Variants in CHODL observed in about 807,000 individuals in gnomAD.
CHODL encodes chondrolectin.
Under a neutral mutation model 34.5 loss-of-function variants are expected in CHODL, and 29 were observed. That is an observed-to-expected ratio of 0.84 (90% CI 0.63 to 1.15). The LOEUF is 1.15. Ranked by LOEUF, CHODL falls within the 50% of genes most tolerant of loss-of-function variation. CHODL has a pLI of 0.00. For synonymous variants in CHODL, 125 were observed against 116.1 expected (o/e 1.08, Z -0.49); for missense variants, 332 against 332.5 (o/e 1.00, Z 0.01).
intron 1 of CHODL, among the ~76,000 whole-genome samples, chr21:18,007,024 A>G (rs2063967391): frequency 6.6e-6 from 1 of 152,218 alleles, no homozygotes; most frequent in Non-Finnish European, 1.5e-5. Flanking sequence ...AAACGTAAGT[A>G]TATTGTGTTG....
intron 1 of CHODL, among the ~76,000 whole-genome samples, chr21:17,944,091 T>C (rs2063386541): frequency 8.5e-6 from 1 of 117,664 alleles, no homozygotes; most frequent in Non-Finnish European, 1.7e-5. Flanking sequence ...TAGACTGTTA[T>C]TCTTCCTAGC....
intron 1 of CHODL, chr21:18,027,774 A>G (rs927814469): frequency 6.6e-6 from 1 of 152,390 alleles, no homozygotes; most frequent in Non-Finnish European, 1.5e-5. Context: ...TTGGGAGGTA[A>G]TTAGATCATG....
intron 3 of CHODL, 56 bp downstream of exon 3, chr21:18,257,183 G>A (rs2074328604): frequency 2.0e-6 from 3 of 1,481,112 alleles, no homozygotes; most frequent in Non-Finnish European, 2.7e-6. Flanking sequence ...ATTGTATTAA[G>A]TTTTGTCTTT....
chr21:18,254,849 G>T (rs11911563), intron 1 of CHODL, among the ~76,000 whole-genome samples: 3,346 of 152,014 alleles, frequency 0.022, 126 homozygotes, highest in African/African-American at 0.076. Flanking sequence ...ACATGTAGAG[G>T]TATGCGAAAT....
chr21:18,207,970 A>G (rs950856772), intron 2 of CHODL, among the ~76,000 whole-genome samples: 53 of 152,182 alleles, frequency 3.5e-4, no homozygotes, highest in African/African-American at 1.3e-3. Flanking sequence ...TTAGTGTTCT[A>G]TAACCTTCTT....
At chr21:18,227,678 G>A (rs1321453481) in intron 2 of CHODL, among the ~76,000 whole-genome samples, 1 of 152,056 alleles carries the variant, frequency 6.6e-6, no homozygotes, top group African/African-American at 2.4e-5. Context: ...GGTGCCTCAT[G>A]GTTAAGTGCA....
At chr21:17,938,598 C>T (rs947166024) in intron 1 of CHODL, among the ~76,000 whole-genome samples, 4 of 150,732 alleles carry the variant, frequency 2.7e-5, no homozygotes, top group Admixed American at 6.6e-5. Context: ...CCTGCCTCAG[C>T]CTCCTGAGTA....
At chr21:17,993,512 T>C (rs115558116) in intron 1 of CHODL, among the ~76,000 whole-genome samples, 2,044 of 152,310 alleles carry the variant, frequency 0.013, 38 homozygotes, top group African/African-American at 0.046. Context: ...GATAATGGCC[T>C]CCAGTGCCAT....
chr21:18,266,427 G>T lies in CHODL; in HGVS notation c.*389G>T, dbSNP rs2074463182. 1.1e-5 allele frequency: 3 copies of T among 282,810 alleles called. No individual in the cohort carries two copies. The highest frequency in any genetic ancestry group is 1.3e-5 in the Non-Finnish European group (2 of 149,984). The allele number at this position is 282,810 out of a possible 1,614,324, so 17.5% of individuals were successfully genotyped here. On this transcript the variant is annotated 3_prime_UTR_variant, in exon 6 of 6. Transcript: ENST00000299295. ...TATATTGTATTGAAATTTACAGTGTGCAAAAGTATTTTACCTTTGCATAAG... is the reference window on the plus strand; with the variant it reads ...TATATTGTATTGAAATTTACAGTGTTCAAAAGTATTTTACCTTTGCATAAG...
chr21:18,067,433 G>A (rs969382278), intron 2 of CHODL, among the ~76,000 whole-genome samples: 1 of 152,172 alleles, frequency 6.6e-6, no homozygotes. Flanking sequence ...GAAGATAAAG[G>A]GAGAAACCGG....
At chr21:18,224,859 G>A (rs2073916811) in intron 2 of CHODL, among the ~76,000 whole-genome samples, 1 of 151,718 alleles carries the variant, frequency 6.6e-6, no homozygotes, top group Admixed American at 6.6e-5. Flanking sequence ...TATTTGTTCT[G>A]TTTTCAGTCA....
At chr21:18,209,735 C>A (rs1331396762) in intron 2 of CHODL, among the ~76,000 whole-genome samples, 2 of 152,096 alleles carry the variant, frequency 1.3e-5, no homozygotes, top group East Asian at 3.9e-4. Flanking sequence ...CTTTAGTCAG[C>A]AGATGAGGAA....
intron 2 of CHODL, among the ~76,000 whole-genome samples, chr21:18,033,131 T>C (rs566081784): frequency 6.6e-6 from 1 of 152,086 alleles, no homozygotes; most frequent in South Asian, 2.1e-4. Context: ...AAGGCTGAAC[T>C]GATAGGATGA....
intron 2 of CHODL, among the ~76,000 whole-genome samples, chr21:18,236,393 A>T (rs73893037): frequency 0.032 from 4,822 of 152,166 alleles, 263 homozygotes; most frequent in African/African-American, 0.11. Context: ...GACACAGCCA[A>T]ACCATATCAA....
intron 1 of CHODL, among the ~76,000 whole-genome samples, chr21:18,004,287 T>C (rs945285364): frequency 1.9e-4 from 29 of 152,230 alleles, no homozygotes; most frequent in African/African-American, 7.0e-4. Context: ...AAGAATAATA[T>C]GTAAATTGGT....
chr21:18,260,315 T>C (rs767539178), intron 4 of CHODL, 29 bp downstream of exon 4: 1 of 1,378,854 alleles, frequency 7.3e-7, no homozygotes, highest in South Asian at 1.3e-5. Flanking sequence ...TTTAACTTCA[T>C]CAAGAACTGA....
intron 2 of CHODL, among the ~76,000 whole-genome samples, chr21:18,030,079 G>A (rs982504556): frequency 2.0e-5 from 3 of 152,072 alleles, no homozygotes; most frequent in South Asian, 2.1e-4. Flanking sequence ...TTGTGCCCTC[G>A]AGTAATCTTC....
chr21:18,086,956 G>C (rs1407156588), intron 2 of CHODL, among the ~76,000 whole-genome samples: 1 of 152,326 alleles, frequency 6.6e-6, no homozygotes, highest in East Asian at 1.9e-4. Flanking sequence ...GAGCAATCCA[G>C]TGGGACCCAA....
At chr21:17,935,226 T>G (rs2063309615) in intron 1 of CHODL, among the ~76,000 whole-genome samples, 1 of 152,210 alleles carries the variant, frequency 6.6e-6, no homozygotes, top group Non-Finnish European at 1.5e-5. Context: ...ACTTTTCATT[T>G]ATATACTTAT....
Sources: gnomAD v4.1 joint callset for allele counts (sites outside exome capture counted in the v4.1 genomes callset) on GRCh38, gnomAD v4.1.1 for gene constraint, MANE v1.5 for transcripts, NCBI Gene and HGNC (gene_info 2026-07-23, HGNC 2026-07-21) for gene names.